PCDH15: variants seen among roughly 807,000 people sequenced by gnomAD.
PCDH15 encodes the protein protocadherin-15.
Under a neutral mutation model 178.5 loss-of-function variants are expected in PCDH15, and 129 were observed. The ratio of observed to expected loss-of-function variants is 0.72; its 90% CI spans 0.63 to 0.84. The LOEUF is 0.84. Ranked by LOEUF, PCDH15 falls within the 40% of genes least tolerant of loss-of-function variation. The pLI is 0.00. For synonymous variants in PCDH15, 800 were observed against 732.0 expected (o/e 1.09, Z -1.50); for missense variants, 2,230 against 2,099.9 (o/e 1.06, Z -1.21).
At chr10:55,599,902 G>T in intron 2 of PCDH15, 1 of 1,518,808 alleles carries the variant, frequency 6.6e-7, no homozygotes, top group Non-Finnish European at 8.8e-7. Flanking sequence ...TTGTATGAAT[G>T]GCCACACCAG....
chr10:54,853,324 C>CAT (rs1554806820), intron 3 of PCDH15, among the ~76,000 whole-genome samples: 14,477 of 98,524 alleles, frequency 0.15, 1,312 homozygotes, highest in East Asian at 0.31. Context: ...TATATACATA[C>CAT]ACACACATAT....
chr10:55,352,910 A>T (rs185374939), intron 2 of PCDH15, among the ~76,000 whole-genome samples: 189 of 152,248 alleles, frequency 1.2e-3, no homozygotes, highest in African/African-American at 3.9e-3. Context: ...AGGCAAAACC[A>T]TTACATCTGA....
At position 55,483,923 on chromosome 10, in the gene PCDH15, A is replaced by G. The variant is rs893462585; in HGVS notation, c.-156+143702T>C. On this transcript the variant is annotated intron_variant, in intron 2 of 5. Transcript: ENST00000613346. ...CAACCTAAATGTCCATCAATGATTG[A>G]CTGGATAAAGATGTGGTACAAATAC... is the stretch of plus-strand genomic sequence containing the variant. 3.3e-5 allele frequency among the ~76,000 whole-genome samples: 5 copies of G among 151,876 alleles called. No individual in the cohort carries two copies. In the South Asian group the frequency reaches 8.3e-4, roughly 25 times the overall value.
At chr10:55,003,444 G>GTT (rs1339597855) in intron 2 of PCDH15, among the ~76,000 whole-genome samples, 4 of 143,830 alleles carry the variant, frequency 2.8e-5, no homozygotes, top group African/African-American at 5.1e-5. Flanking sequence ...AAACATTGCT[G>GTT]TTTTTTTTTT....
At position 55,497,906 on chromosome 10, in the gene PCDH15, C is replaced by G. The variant is rs16907472; in HGVS notation, c.-156+129719G>C. Among the ~76,000 whole-genome samples, 716 of 151,966 alleles carry G rather than the reference C, an allele frequency of 4.7e-3. 6 individuals carry two copies. The highest frequency in any genetic ancestry group is 0.016 in the African/African-American group (683 of 41,510). ...AGTGAACTCTCTTCAAATTCTATCA[C>G]GTTCAAAATGTATAAGATTAGCTGG... On this transcript the variant is annotated intron_variant, in intron 2 of 5. Transcript: ENST00000613346.
chr10:54,789,060 AT>A (rs572944589), intron 1 of PCDH15, among the ~76,000 whole-genome samples: 26 of 151,760 alleles, frequency 1.7e-4, no homozygotes, highest in African/African-American at 6.0e-4. Flanking sequence ...ATTGTTGCTG[AT>A]TTTTTTTCTA....
chr10:54,246,800 T>C (rs1217534244), intron 8 of PCDH15, among the ~76,000 whole-genome samples: 1 of 151,988 alleles, frequency 6.6e-6, no homozygotes, highest in Non-Finnish European at 1.5e-5. Context: ...AGGAGAATTC[T>C]AACTCTTTCA....
At position 53,957,794 on chromosome 10, in the gene PCDH15, T is replaced by C. The variant is rs117898722; in HGVS notation, c.3122+1938A>G. On this transcript the variant is annotated intron_variant, in intron 23 of 37. Transcript: ENST00000644397. ...TCCATAGCAAAGAATTGGAATCCAATCCAAAGGATTGGAAGCACAGGTTAC... is the reference window on the plus strand; with the variant it reads ...TCCATAGCAAAGAATTGGAATCCAACCCAAAGGATTGGAAGCACAGGTTAC... Among the ~76,000 whole-genome samples the C allele has an allele frequency of 3.1e-4, 47 of 151,494 alleles. No individual in the cohort carries two copies. The East Asian group carries it at 7.9e-3, about 26-fold the overall frequency.
At chr10:54,190,278 C>T (rs1045774212) in intron 11 of PCDH15, among the ~76,000 whole-genome samples, 5 of 152,180 alleles carry the variant, frequency 3.3e-5, no homozygotes, top group African/African-American at 1.2e-4. Flanking sequence ...ACAACTTCCA[C>T]TTTTATGCTT....
At chr10:53,948,597 A>T (rs2086765327) in intron 23 of PCDH15, among the ~76,000 whole-genome samples, 1 of 152,176 alleles carries the variant, frequency 6.6e-6, no homozygotes. Flanking sequence ...GAAATGAATG[A>T]CTTATCCATT....
chr10:54,877,034 C>T (rs1954158049), intron 3 of PCDH15, among the ~76,000 whole-genome samples: 1 of 152,118 alleles, frequency 6.6e-6, no homozygotes, highest in South Asian at 2.1e-4. Flanking sequence ...CACAGTCACC[C>T]CAGCTTTTAG....
At chr10:55,260,014 T>C (rs2132233943) in intron 1 of PCDH15, among the ~76,000 whole-genome samples, 1 of 150,136 alleles carries the variant, frequency 6.7e-6, no homozygotes, top group Non-Finnish European at 1.5e-5. Flanking sequence ...TTTTGAAAGA[T>C]GGTTAATGGT....
intron 3 of PCDH15, among the ~76,000 whole-genome samples, chr10:54,843,881 T>C (rs994321918): frequency 1.3e-5 from 2 of 151,900 alleles, no homozygotes; most frequent in Non-Finnish European, 2.9e-5. Flanking sequence ...ATTGGACAAA[T>C]GGCAATTGGA....
At chr10:54,727,415 A>G (rs2132598771) in intron 1 of PCDH15, among the ~76,000 whole-genome samples, 1 of 151,784 alleles carries the variant, frequency 6.6e-6, no homozygotes, top group South Asian at 2.1e-4. Context: ...AAACAAAGAT[A>G]CAACATACCA....
intron 8 of PCDH15, among the ~76,000 whole-genome samples, chr10:54,242,281 T>A (rs910847962): frequency 6.7e-6 from 1 of 149,694 alleles, no homozygotes; most frequent in Admixed American, 6.7e-5. Context: ...GTAGATTTAA[T>A]AAAATCTCAG....
chr10:53,923,290 T>C (rs893514870), intron 25 of PCDH15, among the ~76,000 whole-genome samples: 1 of 152,116 alleles, frequency 6.6e-6, no homozygotes, highest in Admixed American at 6.5e-5. Flanking sequence ...AGGTACAAGA[T>C]ACCAAAAGGG....
At chr10:54,197,190 TTTTC>T in intron 10 of PCDH15, among the ~76,000 whole-genome samples, 1 of 142,436 alleles carries the variant, frequency 7.0e-6, no homozygotes, top group South Asian at 2.2e-4. Flanking sequence ...TATGTATAAA[TTTTC>T]TTTTTTTTCT....
rs376727727 is a variant in PCDH15, at chr10:54,721,200, C to T, written c.-28-56910G>A. 4.0e-5 allele frequency among the ~76,000 whole-genome samples: 6 copies of T among 151,840 alleles called. No homozygotes were observed. In the East Asian group the frequency reaches 1.2e-3, roughly 29 times the overall value. On this transcript the variant is annotated intron_variant, in intron 1 of 37. Coordinates refer to ENST00000644397, the MANE Select transcript of PCDH15 (RefSeq NM_001384140.1). ...TTTTTGAAGCAATTGAAAATACAGACACAATATTTCAAAAGCTCTGGGATA... is the reference window on the plus strand; with the variant it reads ...TTTTTGAAGCAATTGAAAATACAGATACAATATTTCAAAAGCTCTGGGATA...
intron 9 of PCDH15, among the ~76,000 whole-genome samples, chr10:54,221,989 T>C (rs2052877464): frequency 6.6e-6 from 1 of 152,232 alleles, no homozygotes; most frequent in African/African-American, 2.4e-5. Context: ...CATTTATCAA[T>C]AGTTTATTTA....
Sources: allele counts gnomAD v4.1 joint callset (sites outside exome capture counted in the v4.1 genomes callset), GRCh38; gene constraint gnomAD v4.1.1; transcripts MANE v1.5; gene names NCBI Gene and HGNC (gene_info 2026-07-23, HGNC 2026-07-21).